ENTREP2: variants seen among roughly 807,000 people sequenced by gnomAD.
ENTREP2 encodes the protein protein ENTREP2.
the ENTREP2 span, among the ~76,000 whole-genome samples, chr15:29,138,148 C>G: frequency 6.6e-6 from 1 of 152,182 alleles, no homozygotes; most frequent in Non-Finnish European, 1.5e-5. Flanking sequence ...GGATTTCACA[C>G]AGTTTGTAAA....
At chr15:29,546,700 C>T in the ENTREP2 span, among the ~76,000 whole-genome samples, 7 of 151,936 alleles carry the variant, frequency 4.6e-5, no homozygotes, top group African/African-American at 1.7e-4. Flanking sequence ...TCCTGGCTAA[C>T]ATGGTGAAAC....
chr15:29,254,161 C>CAA, the ENTREP2 span, among the ~76,000 whole-genome samples: 36,384 of 61,220 alleles, frequency 0.59, 13,825 homozygotes, highest in Non-Finnish European at 0.75. Context: ...TGTTAAAGAG[C>CAA]AAAAAAAAAA....
chr15:29,413,706 T>A, the ENTREP2 span, among the ~76,000 whole-genome samples: 1 of 152,126 alleles, frequency 6.6e-6, no homozygotes, highest in Admixed American at 6.6e-5. Flanking sequence ...GCTTTGAAAT[T>A]TGCCTGGACT....
At chr15:29,449,217 A>G in the ENTREP2 span, among the ~76,000 whole-genome samples, 2 of 152,228 alleles carry the variant, frequency 1.3e-5, no homozygotes, top group Admixed American at 1.3e-4. Flanking sequence ...AGCTCAAAGG[A>G]GGCAAGGCAG....
chr15:29,427,926 C>T, the ENTREP2 span, among the ~76,000 whole-genome samples: 1 of 152,108 alleles, frequency 6.6e-6, no homozygotes, highest in Non-Finnish European at 1.5e-5. Context: ...GAGCTTTTTC[C>T]TTTAGGACAC....
chr15:29,432,831 T>C, the ENTREP2 span, among the ~76,000 whole-genome samples: 2 of 152,112 alleles, frequency 1.3e-5, no homozygotes, highest in East Asian at 3.9e-4. Flanking sequence ...CAGCTCTCCC[T>C]GCAGGCCTGG....
At chr15:29,218,409 C>A in the ENTREP2 span, among the ~76,000 whole-genome samples, 1 of 152,106 alleles carries the variant, frequency 6.6e-6, no homozygotes, top group Non-Finnish European at 1.5e-5. Context: ...TCTACAAATT[C>A]AATGCAATCC....
At chr15:29,659,260 G>T in the ENTREP2 span, among the ~76,000 whole-genome samples, 3 of 152,284 alleles carry the variant, frequency 2.0e-5, no homozygotes, top group East Asian at 3.9e-4. Flanking sequence ...CACGAGGTCA[G>T]GAGATCGAGG....
chr15:29,508,077 A>AC, the ENTREP2 span, among the ~76,000 whole-genome samples: 2 of 152,150 alleles, frequency 1.3e-5, no homozygotes, highest in Non-Finnish European at 2.9e-5. Context: ...ATTACCACTG[A>AC]CCCCACAGAA....
At chr15:29,538,638 CAAAAAAAAAAA>C in the ENTREP2 span, among the ~76,000 whole-genome samples, 1 of 79,002 alleles carries the variant, frequency 1.3e-5, no homozygotes, top group African/African-American at 4.6e-5. Context: ...ACTAAAAATA[CAAAAAAAAAAA>C]AAAAAAAAAA....
At chr15:29,432,089 G>A in the ENTREP2 span, among the ~76,000 whole-genome samples, 1 of 152,152 alleles carries the variant, frequency 6.6e-6, no homozygotes, top group Non-Finnish European at 1.5e-5. Flanking sequence ...CTTTAAATAG[G>A]CAGGCAAAGT....
At chr15:29,394,882 C>CTT in the ENTREP2 span, among the ~76,000 whole-genome samples, 276 of 95,736 alleles carry the variant, frequency 2.9e-3, 3 homozygotes, top group African/African-American at 7.6e-3. Flanking sequence ...GTCAGAATCT[C>CTT]TTTTTTTTTT....
At chr15:29,400,278 A>G in the ENTREP2 span, among the ~76,000 whole-genome samples, 1 of 152,218 alleles carries the variant, frequency 6.6e-6, no homozygotes, top group Admixed American at 6.5e-5. Flanking sequence ...AAAAGAGAAT[A>G]CAATTAAAAA....
the ENTREP2 span, among the ~76,000 whole-genome samples, chr15:29,174,692 C>CAAAAA: frequency 3.2e-4 from 34 of 107,432 alleles, no homozygotes; most frequent in African/African-American, 1.7e-3. Context: ...TCCAACTAAA[C>CAAAAA]AAAACAAAAC....
the ENTREP2 span, among the ~76,000 whole-genome samples, chr15:29,519,400 C>G: frequency 6.6e-6 from 1 of 151,896 alleles, no homozygotes; most frequent in Non-Finnish European, 1.5e-5. Flanking sequence ...TCTGCCACCC[C>G]GAGATAGCAA....
the ENTREP2 span, among the ~76,000 whole-genome samples, chr15:29,499,919 G>A: frequency 6.6e-6 from 1 of 152,178 alleles, no homozygotes; most frequent in South Asian, 2.1e-4. Context: ...TATTTCATGT[G>A]AACAGAAACC....
At chr15:29,561,383 A>C in the ENTREP2 span, among the ~76,000 whole-genome samples, 1 of 152,232 alleles carries the variant, frequency 6.6e-6, no homozygotes, top group Admixed American at 6.5e-5. Flanking sequence ...GTAGAATAAC[A>C]ATTAATAAAT....
chr15:29,628,979 A>G, the ENTREP2 span, among the ~76,000 whole-genome samples: 27 of 152,142 alleles, frequency 1.8e-4, 1 homozygote, highest in African/African-American at 6.3e-4. Context: ...TGAACTCCTG[A>G]CCTCAAGTGC....
the ENTREP2 span, among the ~76,000 whole-genome samples, chr15:29,648,382 A>T: frequency 6.6e-6 from 1 of 152,212 alleles, no homozygotes; most frequent in African/African-American, 2.4e-5. Context: ...AGCAACAGCC[A>T]GCACTGCTCT....
Sources: allele counts gnomAD v4.1 joint callset (sites outside exome capture counted in the v4.1 genomes callset), GRCh38; gene constraint gnomAD v4.1.1; transcripts MANE v1.5; gene names NCBI Gene and HGNC (gene_info 2026-07-23, HGNC 2026-07-21).